The following MECR variants were observed in gnomAD, a reference collection of about 807,000 sequenced individuals.
MECR encodes the protein mitochondrial trans-2-enoyl-CoA reductase.
MECR carries 37 observed loss-of-function variants against 49.1 expected under a neutral mutation model. That is an observed-to-expected ratio of 0.75 (90% confidence interval 0.58 to 0.99). MECR has a LOEUF of 0.99. Among genes scored for constraint, MECR ranks in the 50% least tolerant of loss-of-function variants. The pLI is 0.00. For missense variants in MECR, 470 were observed against 479.6 expected, an observed-to-expected ratio of 0.98 and a Z score of 0.19; for synonymous variants, 198 against 191.1, an observed-to-expected ratio of 1.04 and a Z score of -0.30.
rs1334851385 is a variant in MECR at position 29,193,411 on chromosome 1, G to A, written c.*611C>T. 2 of 185,380 alleles carry A rather than the reference G, an allele frequency of 1.1e-5. No individual in the cohort carries two copies. Among genetic ancestry groups the A allele is most frequent in the Non-Finnish European group, 2.3e-5 (2 of 88,422 alleles). 11.5% of individuals were successfully genotyped at this position (185,380 alleles called of 1,614,324 possible). On this transcript the variant is annotated 3_prime_UTR_variant, in exon 10 of 10. Coordinates refer to ENST00000263702, the MANE Select transcript of MECR (RefSeq NM_016011.5). ...TCTCCTGGGGGTAAAATTGCCTCTG[G>A]TTGAGAACCACTGGTATATTGTCTA...
chr1:29,170,007 T>C, the MECR span: 1 of 152,240 alleles, frequency 6.6e-6, no homozygotes, highest in East Asian at 1.9e-4. Flanking sequence ...ACACTGCAAA[T>C]AGTTTGTGGA....
At chr1:29,167,839 T>G in the MECR span, among the ~76,000 whole-genome samples, 1 of 152,212 alleles carries the variant, frequency 6.6e-6, no homozygotes, top group Non-Finnish European at 1.5e-5. Context: ...TTTCATCCAT[T>G]TGTATATCAA....
intron 4 of MECR, 69 bp from the exon 5 acceptor site, chr1:29,203,302 G>T: frequency 7.8e-7 from 1 of 1,285,494 alleles, no homozygotes; most frequent in Non-Finnish European, 1.1e-6. Context: ...GCTCCCAGCC[G>T]GGGATCCTTC....
chr1:29,208,722 C>A (rs1677211598), intron 3 of MECR, among the ~76,000 whole-genome samples: 1 of 152,162 alleles, frequency 6.6e-6, no homozygotes, highest in African/African-American at 2.4e-5. Context: ...TTCCTTCCAT[C>A]TACAGATATT....
intron 1 of MECR, among the ~76,000 whole-genome samples, chr1:29,227,817 A>G (rs1199343933): frequency 6.6e-6 from 1 of 152,204 alleles, no homozygotes; most frequent in East Asian, 1.9e-4. Flanking sequence ...GACTACAAAG[A>G]GAATCCCAGT....
chr1:29,174,193 C>CAA, the MECR span, among the ~76,000 whole-genome samples: 5 of 78,986 alleles, frequency 6.3e-5, no homozygotes, highest in African/African-American at 9.4e-5. Flanking sequence ...GACCCCATCT[C>CAA]AAAAAAAAAA....
At chr1:29,179,235 G>A in the MECR span, among the ~76,000 whole-genome samples, 14 of 152,044 alleles carry the variant, frequency 9.2e-5, no homozygotes, top group Admixed American at 2.6e-4. Context: ...TCTTCATAAG[G>A]CTTGATCCAT....
At chr1:29,219,091 C>A in intron 1 of MECR, among the ~76,000 whole-genome samples, 1 of 152,044 alleles carries the variant, frequency 6.6e-6, no homozygotes, top group East Asian at 1.9e-4. Flanking sequence ...CAGGCTGGAC[C>A]GGCTGCCGTT....
chr1:29,228,260 A>C (rs182300546), intron 1 of MECR, among the ~76,000 whole-genome samples: 1 of 151,872 alleles, frequency 6.6e-6, no homozygotes, highest in East Asian at 1.9e-4. Context: ...AAGCTGTCTG[A>C]TATTTTATGT....
the MECR span, among the ~76,000 whole-genome samples, chr1:29,180,081 A>C: frequency 6.6e-6 from 1 of 152,226 alleles, no homozygotes; most frequent in Non-Finnish European, 1.5e-5. Context: ...CTTTACATTT[A>C]TTATCTCTAA....
the MECR span, among the ~76,000 whole-genome samples, chr1:29,186,889 G>A: frequency 1.3e-5 from 2 of 152,200 alleles, no homozygotes; most frequent in African/African-American, 2.4e-5. Context: ...GGAGGCTGCT[G>A]CTTCTGTAAA....
chr1:29,168,054 C>T, the MECR span, among the ~76,000 whole-genome samples: 1 of 148,056 alleles, frequency 6.8e-6, no homozygotes, highest in Admixed American at 6.8e-5. Context: ...CTCGCTCTGT[C>T]GCGCAGGCTG....
At chr1:29,170,632 T>C in the MECR span, 2 of 152,250 alleles carry the variant, frequency 1.3e-5, no homozygotes, top group Non-Finnish European at 2.9e-5. Flanking sequence ...TTAAGTATTT[T>C]AATGAATTTT....
chr1:29,197,746 C>T (rs947699502), intron 7 of MECR, among the ~76,000 whole-genome samples: 13 of 152,268 alleles, frequency 8.5e-5, no homozygotes, highest in Admixed American at 7.8e-4. Context: ...CAAGCCCTCT[C>T]TCTTCTGTAT....
chr1:29,189,190 GC>G (rs1045394222), downstream of MECR, among the ~76,000 whole-genome samples: 18 of 144,350 alleles, frequency 1.2e-4, no homozygotes, highest in African/African-American at 5.3e-4. Flanking sequence ...GCCTGCCTTG[GC>G]CCCCCAAAGT....
the MECR span, chr1:29,169,202 T>C: frequency 1.3e-5 from 2 of 152,248 alleles, no homozygotes; most frequent in Non-Finnish European, 2.9e-5. Flanking sequence ...ATCAAGAAAC[T>C]AACTTAGAGG....
At chr1:29,229,565 A>T (rs72884540) in intron 1 of MECR, among the ~76,000 whole-genome samples, 26 of 152,282 alleles carry the variant, frequency 1.7e-4, no homozygotes, top group African/African-American at 6.3e-4. Flanking sequence ...AAAATAATCA[A>T]ACTATTTGCT....
chr1:29,210,233 C>G (rs887976996), intron 3 of MECR, among the ~76,000 whole-genome samples: 1 of 152,090 alleles, frequency 6.6e-6, no homozygotes, highest in Non-Finnish European at 1.5e-5. Context: ...AGGATGGTCT[C>G]GATCTCCTGA....
chr1:29,222,682 T>C (rs1205533253), intron 1 of MECR, among the ~76,000 whole-genome samples: 1 of 152,166 alleles, frequency 6.6e-6, no homozygotes, highest in Non-Finnish European at 1.5e-5. Flanking sequence ...CATTTGAGAT[T>C]CACTGAAGTG....
Sources: allele counts gnomAD v4.1 joint callset (sites outside exome capture counted in the v4.1 genomes callset), GRCh38; gene constraint gnomAD v4.1.1; transcripts MANE v1.5; gene names NCBI Gene and HGNC (gene_info 2026-07-23, HGNC 2026-07-21).